Variants in GRAMD1B observed in about 807,000 individuals in gnomAD.
GRAMD1B encodes protein Aster-B.
Under a neutral mutation model 99.7 loss-of-function variants are expected in GRAMD1B, and 37 were observed. The ratio of observed to expected loss-of-function variants is 0.37; its 90% CI spans 0.29 to 0.49. GRAMD1B has a LOEUF of 0.49. GRAMD1B is among the 20% of genes least tolerant of loss of function. GRAMD1B has a pLI of 0.98. For synonymous variants in GRAMD1B, 427 were observed against 387.6 expected, an observed-to-expected ratio of 1.10 and a Z score of -1.19; for missense variants, 888 against 1,009.2, an observed-to-expected ratio of 0.88 and a Z score of 1.63.
At chr11:123,502,635 T>A (rs1368169423) in intron 2 of GRAMD1B, among the ~76,000 whole-genome samples, 1 of 151,460 alleles carries the variant, frequency 6.6e-6, no homozygotes, top group Non-Finnish European at 1.5e-5. Flanking sequence ...ATTAGCCAGA[T>A]GTGGAAGTGC....
chr11:123,626,241 G>A lies in GRAMD1B; in HGVS notation c.*3646G>A, dbSNP rs1462986733. ...TTAAGATAGGGTTTGGATTTAGTAT[G>A]AAGCTTTGGCTAAAACCCTTGGGTT... On this transcript the variant is annotated 3_prime_UTR_variant, in exon 20 of 20. Coordinates refer to ENST00000635736, the MANE Select transcript of GRAMD1B (RefSeq NM_001387025.1). The A allele has an allele frequency of 6.6e-6, 1 of 152,156 alleles. No homozygotes were observed. Among genetic ancestry groups the A allele is most frequent in the East Asian group, 1.9e-4 (1 of 5,184 alleles). The allele number at this position is 152,156 out of a possible 1,614,324, so 9.4% of individuals were successfully genotyped here. A position where few individuals can be genotyped will look rare whatever the true frequency, so the allele number is the denominator to read the frequency against.
At chr11:123,508,056 C>T (rs1565309788) in intron 2 of GRAMD1B, among the ~76,000 whole-genome samples, 1 of 151,648 alleles carries the variant, frequency 6.6e-6, no homozygotes. Flanking sequence ...TCTCACAGGG[C>T]TCTCAGTATC....
chr11:123,404,171 C>G (rs1296221424), intron 1 of GRAMD1B, among the ~76,000 whole-genome samples: 1 of 152,146 alleles, frequency 6.6e-6, no homozygotes, highest in African/African-American at 2.4e-5. Context: ...GGATTGCACA[C>G]AATGTTATAT....
chr11:123,591,476 C>G lies in GRAMD1B; in HGVS notation c.685-2606C>G. On this transcript the variant is annotated intron_variant, in intron 4 of 19. Coordinates refer to ENST00000635736, the MANE Select transcript of GRAMD1B (RefSeq NM_001387025.1). The surrounding 1 kb of genome is among the most constrained non-coding windows in gnomAD (Gnocchi z 4.7). Reference sequence around the variant, plus strand: ...CCAGCTGCTGCAGTGGTACCTGAAGCAGCTTGGCCATGCACCTGCTGCCGC... The same window carrying G: ...CCAGCTGCTGCAGTGGTACCTGAAGGAGCTTGGCCATGCACCTGCTGCCGC... 3 of 399,048 alleles carry G rather than the reference C, an allele frequency of 7.5e-6. No homozygotes were observed. The highest frequency in any genetic ancestry group is 8.8e-6 in the Non-Finnish European group (2 of 226,080). 24.7% of individuals were successfully genotyped at this position (399,048 alleles called of 1,614,324 possible).
intron 2 of GRAMD1B, among the ~76,000 whole-genome samples, chr11:123,534,097 A>G (rs1943695320): frequency 6.6e-6 from 1 of 152,248 alleles, no homozygotes; most frequent in South Asian, 2.1e-4. Flanking sequence ...TTTTGACTTC[A>G]CAACATCTTA....
In GRAMD1B at chr11:123,431,065, G is replaced by C. The variant is rs750911598; in HGVS notation, c.273G>C (p.Pro91=). ...EITPSSDEDT[P]WSNCSTPSAS... is the part of the protein sequence containing the mutation. Reference sequence around the variant, plus strand: ...CGCCCTCCAGCGACGAGGACACCCCGTGGTCCAACTGCTCCACACCCAGCG... The same window carrying C: ...CGCCCTCCAGCGACGAGGACACCCCCTGGTCCAACTGCTCCACACCCAGCG... Residue 91 remains proline (P), a synonymous_variant, in exon 1 of 20, where the codon CCG becomes CCC. Transcript: ENST00000635736. 15 of 702,990 alleles carry C rather than the reference G, an allele frequency of 2.1e-5. No individual in the cohort carries two copies. The highest frequency in any genetic ancestry group is 1.3e-4 in the South Asian group (9 of 67,598). 43.5% of individuals were successfully genotyped at this position (702,990 alleles called of 1,614,324 possible).
At chr11:123,386,684 G>A in intron 1 of GRAMD1B, among the ~76,000 whole-genome samples, 1 of 152,044 alleles carries the variant, frequency 6.6e-6, no homozygotes, top group East Asian at 1.9e-4. Flanking sequence ...CCTGACCTCA[G>A]GTGATCTGCC....
intron 2 of GRAMD1B, among the ~76,000 whole-genome samples, chr11:123,551,102 G>A (rs117956418): frequency 2.0e-5 from 3 of 152,196 alleles, no homozygotes; most frequent in East Asian, 3.9e-4. Context: ...CAACTCTCAC[G>A]CACCTGCTTT....
intron 1 of GRAMD1B, among the ~76,000 whole-genome samples, chr11:123,372,637 T>C (rs898275866): frequency 6.6e-6 from 1 of 152,146 alleles, no homozygotes; most frequent in South Asian, 2.1e-4. Flanking sequence ...TCTTGTAAAG[T>C]TTTTCATCAG....
intron 2 of GRAMD1B, among the ~76,000 whole-genome samples, chr11:123,541,936 G>A (rs1302409423): frequency 6.6e-6 from 1 of 152,060 alleles, no homozygotes; most frequent in Non-Finnish European, 1.5e-5. Flanking sequence ...TCTCAATCAT[G>A]GAATTAGAGG....
intron 1 of GRAMD1B, among the ~76,000 whole-genome samples, chr11:123,446,031 G>A (rs1949629487): frequency 1.3e-5 from 2 of 152,064 alleles, no homozygotes; most frequent in Admixed American, 1.3e-4. Context: ...GTGGATCTTT[G>A]TTTTTGAGAG....
intron 1 of GRAMD1B, chr11:123,459,648 G>A (rs967522660): frequency 2.0e-5 from 3 of 152,074 alleles, no homozygotes; most frequent in African/African-American, 7.2e-5. Flanking sequence ...TGACTTTTAA[G>A]TGAGATAGTG....
chr11:123,524,823 A>T (rs888758671), intron 2 of GRAMD1B, among the ~76,000 whole-genome samples: 11 of 152,136 alleles, frequency 7.2e-5, no homozygotes, highest in African/African-American at 2.2e-4. Context: ...GAAGGTTGCT[A>T]TTTCATAATT....
rs1955278543 is a variant in GRAMD1B, at chr11:123,622,685, GAATATA to G, written c.*97_*102del. The stretch of plus-strand genomic sequence containing the variant: ...ATATATATAAATATATATATATACA[GAATATA>G]AATATATATATTATATACAGATTTT... On this transcript the variant is annotated 3_prime_UTR_variant, in exon 20 of 20. Coordinates refer to ENST00000635736, the MANE Select transcript of GRAMD1B (RefSeq NM_001387025.1). The G allele has an allele frequency of 3.4e-6, 1 of 297,662 alleles. No homozygotes were observed. Among genetic ancestry groups the G allele is most frequent in the Non-Finnish European group, 5.9e-6 (1 of 168,838 alleles). 18.4% of individuals were successfully genotyped at this position (297,662 alleles called of 1,614,324 possible).
At chr11:123,442,099 C>T (rs1404262143) in intron 1 of GRAMD1B, among the ~76,000 whole-genome samples, 1 of 152,154 alleles carries the variant, frequency 6.6e-6, no homozygotes, top group Non-Finnish European at 1.5e-5. Context: ...AAGAAGTTCT[C>T]CAGTGGACAC....
chr11:123,593,637 A>G lies in GRAMD1B; in HGVS notation c.685-445A>G, dbSNP rs150340555. ...ACACAGCCAAGTGCTCACTCTGATAATCACGACAACACCTTCTTCTGAGAG... is the reference window on the plus strand; with the variant it reads ...ACACAGCCAAGTGCTCACTCTGATAGTCACGACAACACCTTCTTCTGAGAG... On this transcript the variant is annotated intron_variant, in intron 4 of 19. Transcript: ENST00000635736. Among the ~76,000 whole-genome samples the G allele has an allele frequency of 4.1e-3, 627 of 152,250 alleles. 4 individuals are homozygous for G. Among genetic ancestry groups the G allele is most frequent in the South Asian group, 0.014 (68 of 4,820 alleles).
chr11:123,399,133 T>C (rs190970121), intron 1 of GRAMD1B, among the ~76,000 whole-genome samples: 39 of 152,348 alleles, frequency 2.6e-4, no homozygotes, highest in Middle Eastern at 6.8e-3. Context: ...TATTCTCTGT[T>C]ACTACGACTT....
intron 1 of GRAMD1B, among the ~76,000 whole-genome samples, chr11:123,388,564 C>T (rs767952991): frequency 2.0e-5 from 3 of 152,058 alleles, no homozygotes; most frequent in Non-Finnish European, 2.9e-5. Context: ...GTCCCAGCTA[C>T]TCGAGAGGCT....
rs1331085646 is a variant in GRAMD1B, at chr11:123,612,777, C to T, written c.1936C>T (p.Arg646Cys). 3.1e-6 allele frequency: 5 copies of T among 1,603,602 alleles called. No homozygotes were observed. Among genetic ancestry groups the T allele is most frequent in the East Asian group, 2.2e-5 (1 of 44,728 alleles). ...GCTCCTCAGGGTCTCCACAGAGCTG[C>T]GCTATCGAAAACAGCCCTGGGGGTT... Reference protein sequence around the residue: ...KSRLRVSTELRYRKQPWGLVK... With the variant: ...KSRLRVSTELCYRKQPWGLVK... Residue 646 changes from arginine to cysteine, a missense_variant, in exon 15 of 20, where the codon CGC becomes TGC. Physicochemically the swap from Arg to Cys is radical, Grantham distance 180 (BLOSUM62 -3). This residue lies in a region of GRAMD1B where 92 missense variants were observed against 156.9 expected (regional missense o/e 0.59). Coordinates refer to ENST00000635736, the MANE Select transcript of GRAMD1B (RefSeq NM_001387025.1).
Sources: gnomAD v4.1 joint callset for allele counts (sites outside exome capture counted in the v4.1 genomes callset) on GRCh38, gnomAD v4.1.1 for gene constraint, gnomAD v4.1.1 regional missense constraint, Gnocchi (gnomAD v3.1) non-coding constraint, MANE v1.5 for transcripts, NCBI Gene and HGNC (gene_info 2026-07-23, HGNC 2026-07-21) for gene names.